Variants in UNC5C observed in about 807,000 individuals in gnomAD.
The protein encoded by UNC5C is netrin receptor UNC5C.
UNC5C carries 47 observed loss-of-function variants against 99.8 expected under a neutral mutation model. The observed-to-expected ratio is 0.47, with a 90% CI of 0.37 to 0.60. The LOEUF (loss-of-function observed/expected upper bound fraction) is 0.60. UNC5C is among the 20% of genes least tolerant of loss of function. UNC5C has a pLI of 0.00. For synonymous variants in UNC5C, 487 were observed against 452.2 expected (o/e 1.08, Z -0.98); for missense variants, 1,062 against 1,165.9 (o/e 0.91, Z 1.30).
intron 1 of UNC5C, among the ~76,000 whole-genome samples, chr4:95,432,371 C>T (rs1400843001): frequency 1.3e-5 from 2 of 152,022 alleles, no homozygotes; most frequent in Non-Finnish European, 2.9e-5. Context: ...TCTGTAAAAA[C>T]CTAAGACATA....
intron 1 of UNC5C, among the ~76,000 whole-genome samples, chr4:95,411,058 G>A (rs566356618): frequency 6.6e-6 from 1 of 152,084 alleles, no homozygotes; most frequent in Non-Finnish European, 1.5e-5. Flanking sequence ...GTTCAGCAGG[G>A]GAAGCTGATG....
chr4:95,224,524 G>C (rs1430030869), intron 7 of UNC5C, among the ~76,000 whole-genome samples: 1 of 152,094 alleles, frequency 6.6e-6, no homozygotes, highest in Non-Finnish European at 1.5e-5. Context: ...ATATTATGTA[G>C]ATTTAAACTA....
intron 2 of UNC5C, among the ~76,000 whole-genome samples, chr4:95,328,074 T>A (rs1437295209): frequency 1.4e-5 from 2 of 142,332 alleles, no homozygotes; most frequent in Non-Finnish European, 3.1e-5. Context: ...TTTTTTTTTT[T>A]TTTATTATAC....
chr4:95,485,536 A>G (rs1721301324), intron 1 of UNC5C, among the ~76,000 whole-genome samples: 1 of 151,798 alleles, frequency 6.6e-6, no homozygotes, highest in Non-Finnish European at 1.5e-5. Context: ...ATGTGGCACC[A>G]AAGGAAACTA....
intron 12 of UNC5C, among the ~76,000 whole-genome samples, chr4:95,200,244 TTC>T (rs1351998504): frequency 6.0e-4 from 91 of 152,360 alleles, no homozygotes; most frequent in African/African-American, 1.9e-3. Context: ...CAGAAAAACT[TTC>T]TTTCCTTGGC....
At chr4:95,544,061 A>T (rs1293921899) in intron 1 of UNC5C, among the ~76,000 whole-genome samples, 1 of 152,226 alleles carries the variant, frequency 6.6e-6, no homozygotes, top group Non-Finnish European at 1.5e-5. Context: ...AACGGTTTGT[A>T]GAATTGAAAG....
Position 95,301,630 on chromosome 4 carries a change from G to C in UNC5C, c.466C>G (p.Arg156Gly). ...CATGCAATGCGCACATACGCCTTCC[G>C]GCTCTTTGTGGTACCCGCGGAGCTC... is the stretch of plus-strand genomic sequence containing the variant. ...AWSSAGTTKS[R>G]KAYVRIAYLR... Residue 156 changes from arginine to glycine, a missense_variant, in exon 3 of 16, where the codon CGG becomes GGG. Around this residue, in one of 3 missense-constraint regions of UNC5C, gnomAD observed 249 missense variants for 295.1 expected, o/e 0.84. Coordinates refer to ENST00000453304, the MANE Select transcript of UNC5C (RefSeq NM_003728.4). 6.2e-7 allele frequency: 1 copy of C among 1,613,940 alleles called. No individual in the cohort carries two copies. The highest frequency in any genetic ancestry group is 8.5e-7 in the Non-Finnish European group (1 of 1,180,012).
At chr4:95,485,574 C>A (rs35582474) in intron 1 of UNC5C, among the ~76,000 whole-genome samples, 6,505 of 151,814 alleles carry the variant, frequency 0.043, 161 homozygotes, top group Middle Eastern at 0.12. Context: ...TAGTCGAACA[C>A]CTTATATTTG....
intron 2 of UNC5C, among the ~76,000 whole-genome samples, chr4:95,312,989 A>C (rs556578961): frequency 6.6e-5 from 10 of 152,342 alleles, no homozygotes; most frequent in Non-Finnish European, 1.3e-4. Context: ...AAAATTCTGG[A>C]AATCCCATGA....
chr4:95,347,022 A>C (rs1434244922), intron 1 of UNC5C, among the ~76,000 whole-genome samples: 7 of 151,980 alleles, frequency 4.6e-5, no homozygotes, highest in Admixed American at 4.6e-4. Flanking sequence ...AAAAACCTAG[A>C]CTTCATCAAA....
intron 7 of UNC5C, among the ~76,000 whole-genome samples, chr4:95,225,581 T>C (rs949527220): frequency 6.6e-6 from 1 of 152,046 alleles, no homozygotes; most frequent in Non-Finnish European, 1.5e-5. Flanking sequence ...TGAATGAAAA[T>C]AAAATATTAA....
chr4:95,498,559 T>C (rs982142452), intron 1 of UNC5C, among the ~76,000 whole-genome samples: 1 of 152,056 alleles, frequency 6.6e-6, no homozygotes, highest in African/African-American at 2.4e-5. Flanking sequence ...TGCTAACATA[T>C]AATGGTACGA....
At chr4:95,262,314 T>C (rs1004567746) in intron 4 of UNC5C, among the ~76,000 whole-genome samples, 1 of 152,188 alleles carries the variant, frequency 6.6e-6, no homozygotes, top group South Asian at 2.1e-4. Flanking sequence ...CGCTATGTAA[T>C]TTTTGACCTG....
intron 1 of UNC5C, among the ~76,000 whole-genome samples, chr4:95,375,252 TATGA>T (rs1443592248): frequency 1.3e-5 from 2 of 152,158 alleles, no homozygotes; most frequent in African/African-American, 4.8e-5. Context: ...TAGAATTGGT[TATGA>T]AGAACATAAT....
chr4:95,495,473 T>C (rs1261188904), intron 1 of UNC5C, among the ~76,000 whole-genome samples: 1 of 151,654 alleles, frequency 6.6e-6, no homozygotes, highest in Non-Finnish European at 1.5e-5. Context: ...GGATAGCAGA[T>C]GTTATTTGGA....
At position 95,165,523 on chromosome 4, in the gene UNC5C, T is replaced by C. The variant is rs147353875; in HGVS notation, c.*3711A>G. On this transcript the variant is annotated 3_prime_UTR_variant, in exon 16 of 16. Coordinates refer to ENST00000453304, the MANE Select transcript of UNC5C (RefSeq NM_003728.4). ...TGTCATCACCATGCCAGTTATCAAT[T>C]CTGAATCCAACTTCTATTCCTTCCA... 5 of 152,334 alleles carry C rather than the reference T, an allele frequency of 3.3e-5. No homozygotes were observed. Among genetic ancestry groups the C allele is most frequent in the African/African-American group, 1.2e-4 (5 of 41,588 alleles). 9.4% of individuals were successfully genotyped at this position (152,334 alleles called of 1,614,324 possible).
intron 4 of UNC5C, among the ~76,000 whole-genome samples, chr4:95,271,825 G>T (rs1476365284): frequency 1.3e-5 from 2 of 152,102 alleles, no homozygotes; most frequent in Admixed American, 6.6e-5. Flanking sequence ...ATCACTTACC[G>T]TCTCTGCAAG....
chr4:95,342,771 A>G (rs1337400697), intron 1 of UNC5C, among the ~76,000 whole-genome samples: 2 of 150,682 alleles, frequency 1.3e-5, no homozygotes, highest in East Asian at 4.0e-4. Context: ...CATTTCTGAA[A>G]CTGCCCTGGG....
At chr4:95,466,972 T>TTGCTCTG (rs1294170920) in intron 1 of UNC5C, among the ~76,000 whole-genome samples, 2 of 152,162 alleles carry the variant, frequency 1.3e-5, no homozygotes, top group Non-Finnish European at 2.9e-5. Flanking sequence ...TGCTTGCACC[T>TTGCTCTG]TGCTCTGTGT....
Sources: allele counts gnomAD v4.1 joint callset (sites outside exome capture counted in the v4.1 genomes callset), GRCh38; gene constraint gnomAD v4.1.1; regional missense constraint gnomAD v4.1.1; transcripts MANE v1.5; gene names NCBI Gene and HGNC (gene_info 2026-07-23, HGNC 2026-07-21).